The following CACNA2D3 variants were observed in gnomAD, a reference collection of about 807,000 sequenced individuals.
The protein encoded by CACNA2D3 is voltage-dependent calcium channel subunit alpha-2/delta-3.
In CACNA2D3, 60 loss-of-function variants were observed where a neutral mutation model predicts 160.6. The observed-to-expected ratio is 0.37, with a 90% CI of 0.30 to 0.46. The LOEUF (loss-of-function observed/expected upper bound fraction) is 0.46, where lower values mean the gene tolerates loss of function less well. Among genes scored for constraint, CACNA2D3 ranks in the 20% least tolerant of loss-of-function variants. CACNA2D3 has a pLI of 1.00. For missense variants in CACNA2D3, 1,205 were observed against 1,365.0 expected (o/e 0.88, Z 1.85); for synonymous variants, 558 against 492.9 (o/e 1.13, Z -1.75).
intron 2 of CACNA2D3, among the ~76,000 whole-genome samples, chr3:54,279,706 A>G (rs1702826449): frequency 6.6e-6 from 1 of 152,168 alleles, no homozygotes; most frequent in Admixed American, 6.5e-5. Context: ...CTTAGTCCTA[A>G]TAATTGAAAC....
chr3:54,578,155 G>T (rs1381568027), intron 8 of CACNA2D3, among the ~76,000 whole-genome samples: 1 of 152,290 alleles, frequency 6.6e-6, no homozygotes, highest in East Asian at 1.9e-4. Flanking sequence ...CGTCTTTAGG[G>T]TTCAATCCTG....
At chr3:54,652,819 G>A (rs1057408643) in intron 11 of CACNA2D3, among the ~76,000 whole-genome samples, 1 of 142,096 alleles carries the variant, frequency 7.0e-6, no homozygotes, top group Non-Finnish European at 1.5e-5. Flanking sequence ...GTTTCGCTGT[G>A]TCACCCGGGC....
intron 27 of CACNA2D3, among the ~76,000 whole-genome samples, chr3:54,949,753 G>A (rs1019448032): frequency 6.6e-6 from 1 of 152,238 alleles, no homozygotes; most frequent in Admixed American, 6.5e-5. Flanking sequence ...AGAAGTGACT[G>A]TGGTCTCTGC....
At chr3:54,394,662 T>C (rs1429727001) in intron 4 of CACNA2D3, among the ~76,000 whole-genome samples, 7 of 116,052 alleles carry the variant, frequency 6.0e-5, no homozygotes, top group African/African-American at 1.8e-4. Context: ...TTTATGGCTG[T>C]ATAGTATTCC....
At chr3:55,064,947 A>G (rs1350897121) in intron 35 of CACNA2D3, among the ~76,000 whole-genome samples, 3 of 152,326 alleles carry the variant, frequency 2.0e-5, no homozygotes, top group East Asian at 3.9e-4. Flanking sequence ...CTTCGTTCCA[A>G]CAGAGAATCA....
At chr3:54,705,298 A>G (rs7623961) in intron 11 of CACNA2D3, among the ~76,000 whole-genome samples, 34,453 of 152,046 alleles carry the variant, frequency 0.23, 4,110 homozygotes, top group Admixed American at 0.29. Context: ...GGTGCTGCCA[A>G]ATTATATTGT....
intron 11 of CACNA2D3, among the ~76,000 whole-genome samples, chr3:54,736,114 T>C (rs1353751463): frequency 7.9e-5 from 2 of 25,378 alleles, no homozygotes; most frequent in Admixed American, 4.8e-4. Context: ...TATATGTATA[T>C]ATATACATAT....
At chr3:54,536,963 C>T (rs1053769559) in intron 5 of CACNA2D3, among the ~76,000 whole-genome samples, 5 of 152,128 alleles carry the variant, frequency 3.3e-5, no homozygotes, top group East Asian at 1.9e-4. Context: ...CAGTGCCAGG[C>T]GCCAGGCAGA....
chr3:54,916,376 T>C (rs2106917447), intron 27 of CACNA2D3, among the ~76,000 whole-genome samples: 1 of 152,268 alleles, frequency 6.6e-6, no homozygotes. Flanking sequence ...AAGAAGGATA[T>C]TGAGCCATGT....
chr3:54,701,975 T>G (rs1700774608), intron 11 of CACNA2D3, among the ~76,000 whole-genome samples: 1 of 152,132 alleles, frequency 6.6e-6, no homozygotes, highest in Non-Finnish European at 1.5e-5. Context: ...CCATCTGATC[T>G]TCAACCAAGT....
chr3:55,033,584 G>GTATATATA (rs36230201), intron 35 of CACNA2D3, among the ~76,000 whole-genome samples: 9 of 112,802 alleles, frequency 8.0e-5, no homozygotes, highest in African/African-American at 3.0e-4. Flanking sequence ...ATGTGTGTGT[G>GTATATATA]TATATATATA....
chr3:54,839,119 G>A (rs564458218), intron 16 of CACNA2D3, among the ~76,000 whole-genome samples: 6 of 152,240 alleles, frequency 3.9e-5, no homozygotes, highest in South Asian at 2.1e-4. Context: ...TTAGCCGGTC[G>A]TGATGGCAGG....
chr3:54,808,243 C>T (rs970849226), intron 13 of CACNA2D3, among the ~76,000 whole-genome samples: 2 of 151,910 alleles, frequency 1.3e-5, no homozygotes, highest in Non-Finnish European at 2.9e-5. Context: ...AAGAAAAATT[C>T]AGTTCACTCC....
At chr3:55,044,063 T>C (rs1326729697) in intron 35 of CACNA2D3, among the ~76,000 whole-genome samples, 1 of 152,236 alleles carries the variant, frequency 6.6e-6, no homozygotes, top group Non-Finnish European at 1.5e-5. Context: ...CTTTATTCTT[T>C]TTCAAAATGC....
At chr3:54,821,641 G>GTTCGTTCGTTCT (rs1553873526) in intron 14 of CACNA2D3, among the ~76,000 whole-genome samples, 1 of 107,920 alleles carries the variant, frequency 9.3e-6, no homozygotes, top group African/African-American at 3.8e-5. Context: ...AGAGTCTTTC[G>GTTCGTTCGTTCT]TTCTTTCTTT....
chr3:54,739,934 C>T (rs888756297), intron 11 of CACNA2D3, among the ~76,000 whole-genome samples: 3 of 152,140 alleles, frequency 2.0e-5, no homozygotes, highest in Admixed American at 1.3e-4. Context: ...TTACAACTTC[C>T]GCAAGGGCAG....
chr3:54,686,279 C>T (rs1032556357), intron 11 of CACNA2D3, among the ~76,000 whole-genome samples: 3 of 152,156 alleles, frequency 2.0e-5, no homozygotes, highest in Non-Finnish European at 2.9e-5. Context: ...GACCAAATGG[C>T]GCACAAAGCC....
intron 2 of CACNA2D3, among the ~76,000 whole-genome samples, chr3:54,275,497 T>C (rs1702715573): frequency 1.3e-5 from 2 of 152,346 alleles, no homozygotes; most frequent in Admixed American, 1.3e-4. Context: ...TATAATAATA[T>C]ATGTGCTTAT....
At chr3:55,069,009 A>T (rs1006539857) in intron 35 of CACNA2D3, among the ~76,000 whole-genome samples, 2 of 152,160 alleles carry the variant, frequency 1.3e-5, no homozygotes, top group Non-Finnish European at 2.9e-5. Flanking sequence ...CCATTATTTG[A>T]TATTATCATA....
Sources: allele counts gnomAD v4.1 joint callset (sites outside exome capture counted in the v4.1 genomes callset), GRCh38; gene constraint gnomAD v4.1.1; transcripts MANE v1.5; gene names NCBI Gene and HGNC (gene_info 2026-07-23, HGNC 2026-07-21).